Variants in MDGA2 observed in about 807,000 individuals in gnomAD.
MDGA2 encodes MAM domain-containing glycosylphosphatidylinositol anchor protein 2.
In MDGA2, 40 loss-of-function variants were observed where a neutral mutation model predicts 117.8. That is an observed-to-expected ratio of 0.34 (90% CI 0.26 to 0.44). MDGA2 has a LOEUF of 0.44. MDGA2 is among the 20% of genes least tolerant of loss of function. The pLI, the probability that MDGA2 is intolerant of heterozygous loss-of-function variation, is 1.00. For synonymous variants in MDGA2, 452 were observed against 439.0 expected, an observed-to-expected ratio of 1.03 and a Z score of -0.37; for missense variants, 1,123 against 1,250.6, an observed-to-expected ratio of 0.90 and a Z score of 1.54.
At chr14:47,067,363 A>G (rs1300196966) in intron 6 of MDGA2, among the ~76,000 whole-genome samples, 3 of 152,166 alleles carry the variant, frequency 2.0e-5, no homozygotes, top group Admixed American at 6.5e-5. Context: ...AATCATTGAA[A>G]AGACTGTAAA....
At chr14:47,070,157 T>C (rs1012774074) in intron 6 of MDGA2, among the ~76,000 whole-genome samples, 30 of 152,144 alleles carry the variant, frequency 2.0e-4, no homozygotes, top group African/African-American at 7.0e-4. Context: ...AAATACTAGG[T>C]CATATTCGTC....
intron 10 of MDGA2, among the ~76,000 whole-genome samples, chr14:46,916,824 C>T (rs376103482): frequency 1.1e-3 from 165 of 151,818 alleles, no homozygotes; most frequent in African/African-American, 3.8e-3. Context: ...AATTAGAATA[C>T]GGCATCATAA....
chr14:47,601,519 T>C (rs1896647956), intron 1 of MDGA2, among the ~76,000 whole-genome samples: 1 of 152,226 alleles, frequency 6.6e-6, no homozygotes, highest in Non-Finnish European at 1.5e-5. Context: ...ATAAAGCTAT[T>C]TTCTGTTACT....
chr14:47,664,889 T>A (rs147908117), intron 1 of MDGA2, among the ~76,000 whole-genome samples: 4 of 152,360 alleles, frequency 2.6e-5, no homozygotes, highest in African/African-American at 9.6e-5. Context: ...CTGTCCTACC[T>A]TCTGAAGAAA....
chr14:47,334,202 TA>T (rs966274395), intron 1 of MDGA2, among the ~76,000 whole-genome samples: 3 of 151,552 alleles, frequency 2.0e-5, no homozygotes, highest in Non-Finnish European at 4.4e-5. Flanking sequence ...AAGCAAAAAT[TA>T]AAAAAAATAT....
intron 2 of MDGA2, among the ~76,000 whole-genome samples, chr14:47,265,278 C>T (rs963257736): frequency 6.6e-6 from 1 of 152,030 alleles, no homozygotes; most frequent in African/African-American, 2.4e-5. Context: ...GTATGTATTA[C>T]ATTTGGTTTT....
At chr14:47,254,166 C>T (rs1887542115) in intron 2 of MDGA2, among the ~76,000 whole-genome samples, 1 of 152,184 alleles carries the variant, frequency 6.6e-6, no homozygotes, top group Admixed American at 6.5e-5. Flanking sequence ...CTCTGACATG[C>T]CCTGGAGACA....
At chr14:47,197,823 C>T (rs1025545297) in intron 3 of MDGA2, among the ~76,000 whole-genome samples, 2 of 151,998 alleles carry the variant, frequency 1.3e-5, no homozygotes, top group Admixed American at 6.6e-5. Flanking sequence ...GCAGGAGAAT[C>T]ATGTGAACCT....
intron 3 of MDGA2, among the ~76,000 whole-genome samples, chr14:47,166,763 C>T (rs754863534): frequency 1.3e-5 from 2 of 152,198 alleles, no homozygotes; most frequent in Non-Finnish European, 2.9e-5. Flanking sequence ...ACAACAAAAA[C>T]TTCACCTGAC....
intron 1 of MDGA2, among the ~76,000 whole-genome samples, chr14:47,602,257 T>C (rs1408943538): frequency 6.6e-6 from 1 of 152,112 alleles, no homozygotes; most frequent in Admixed American, 6.6e-5. Flanking sequence ...TGAGTGCCAG[T>C]CATTCTAAAA....
At chr14:47,523,774 A>G (rs535492634) in intron 1 of MDGA2, among the ~76,000 whole-genome samples, 106 of 152,246 alleles carry the variant, frequency 7.0e-4, no homozygotes, top group African/African-American at 2.1e-3. Flanking sequence ...CACAACAGAG[A>G]TATCTGTTTT....
intron 5 of MDGA2, among the ~76,000 whole-genome samples, chr14:47,102,232 A>T (rs1026166196): frequency 2.0e-5 from 3 of 152,070 alleles, no homozygotes; most frequent in African/African-American, 7.2e-5. Flanking sequence ...AGCAGTTAAC[A>T]ATTGTATAAA....
intron 1 of MDGA2, among the ~76,000 whole-genome samples, chr14:47,358,567 A>G (rs1891045872): frequency 6.6e-6 from 1 of 152,194 alleles, no homozygotes; most frequent in Non-Finnish European, 1.5e-5. Flanking sequence ...AGAAAACCCT[A>G]AAGACAGCAC....
At chr14:47,651,991 G>A (rs1290670791) in intron 1 of MDGA2, among the ~76,000 whole-genome samples, 4 of 152,122 alleles carry the variant, frequency 2.6e-5, no homozygotes, top group Non-Finnish European at 4.4e-5. Context: ...TACACATACG[G>A]ATCTGGAGCT....
At chr14:47,158,107 CA>C (rs1165036765) in intron 3 of MDGA2, among the ~76,000 whole-genome samples, 1 of 152,048 alleles carries the variant, frequency 6.6e-6, no homozygotes, top group East Asian at 1.9e-4. Context: ...GGTGGTTCCA[CA>C]AAGTATAATA....
At chr14:47,599,323 T>C (rs908615058) in intron 1 of MDGA2, among the ~76,000 whole-genome samples, 6 of 145,364 alleles carry the variant, frequency 4.1e-5, no homozygotes, top group Non-Finnish European at 8.8e-5. Context: ...GTTTTTTTTT[T>C]TGCATTTTAT....
At chr14:47,360,386 T>TAAATAAATA (rs781144826) in intron 1 of MDGA2, among the ~76,000 whole-genome samples, 11 of 125,600 alleles carry the variant, frequency 8.8e-5, no homozygotes, top group Middle Eastern at 4.0e-3. Context: ...AATAAATAAA[T>TAAATAAATA]AAATAAAATA....
intron 2 of MDGA2, among the ~76,000 whole-genome samples, chr14:47,292,482 C>A (rs1339392907): frequency 1.3e-5 from 2 of 152,094 alleles, no homozygotes; most frequent in African/African-American, 2.4e-5. Context: ...CTTTCATAAG[C>A]CCCCATTAGC....
chr14:47,071,172 C>A (rs1326853233), intron 6 of MDGA2, among the ~76,000 whole-genome samples: 3 of 152,188 alleles, frequency 2.0e-5, no homozygotes, highest in African/African-American at 7.2e-5. Context: ...TTACAACACA[C>A]ACACACCCCA....
Sources: allele counts gnomAD v4.1 joint callset (sites outside exome capture counted in the v4.1 genomes callset), GRCh38; gene constraint gnomAD v4.1.1; transcripts MANE v1.5; gene names NCBI Gene and HGNC (gene_info 2026-07-23, HGNC 2026-07-21).